Variants in FMN2 observed in about 807,000 individuals in gnomAD.
FMN2 encodes formin 2.
FMN2 carries 51 observed loss-of-function variants against 142.3 expected under a neutral mutation model. That is an observed-to-expected ratio of 0.36 (90% CI 0.29 to 0.45). The LOEUF is 0.45. FMN2 is among the 20% of genes least tolerant of loss of function. FMN2 has a pLI of 1.00. For missense variants in FMN2, 1,936 were observed against 2,122.8 expected (o/e 0.91, Z 1.73); for synonymous variants, 882 against 869.8 (o/e 1.01, Z -0.25).
In FMN2 at chr1:240,125,375, G is replaced by T. The variant is rs889790704; in HGVS notation, c.1782+2030G>T. On this transcript the variant is annotated intron_variant, in intron 2 of 17. Transcript: ENST00000319653. The stretch of plus-strand genomic sequence containing the variant: ...TGACATTGCAGCTAATCGCTGCTAG[G>T]TAGATCTCTTTCTCTTATGGGAAAA... 2.0e-5 allele frequency among the ~76,000 whole-genome samples: 3 copies of T among 152,170 alleles called. No individual in the cohort carries two copies. The East Asian group carries it at 5.8e-4, about 29-fold the overall frequency.
intron 2 of FMN2, among the ~76,000 whole-genome samples, chr1:240,135,506 A>G (rs1456187678): frequency 6.6e-6 from 1 of 152,146 alleles, no homozygotes; most frequent in Non-Finnish European, 1.5e-5. Flanking sequence ...TTTGAAAAAA[A>G]TTGCCTCGTA....
At chr1:240,137,870 A>G (rs1663013284) in intron 2 of FMN2, among the ~76,000 whole-genome samples, 2 of 152,014 alleles carry the variant, frequency 1.3e-5, no homozygotes, top group Non-Finnish European at 2.9e-5. Flanking sequence ...GGGGCAGATC[A>G]CTTGAGGTCA....
At chr1:240,462,370 A>G (rs1253771585) in intron 16 of FMN2, among the ~76,000 whole-genome samples, 2 of 152,184 alleles carry the variant, frequency 1.3e-5, no homozygotes, top group Non-Finnish European at 2.9e-5. Context: ...TTTAAATTTT[A>G]TGTACATTCA....
At chr1:240,355,459 G>T (rs1339797487) in intron 13 of FMN2, among the ~76,000 whole-genome samples, 1 of 152,080 alleles carries the variant, frequency 6.6e-6, no homozygotes, top group South Asian at 2.1e-4. Flanking sequence ...AACACTTCAC[G>T]TCTCTTCACA....
intron 2 of FMN2, among the ~76,000 whole-genome samples, chr1:240,127,270 G>A (rs1488013295): frequency 2.0e-5 from 3 of 151,654 alleles, no homozygotes; most frequent in African/African-American, 4.8e-5. Flanking sequence ...ACAGGGTTTC[G>A]CCATGTTGGC....
intron 8 of FMN2, among the ~76,000 whole-genome samples, chr1:240,296,413 ATTTT>A (rs1669984191): frequency 1.8e-5 from 1 of 56,832 alleles, no homozygotes; most frequent in Non-Finnish European, 3.6e-5. Flanking sequence ...GTGTGGTCCT[ATTTT>A]GGGTCTAATA....
intron 14 of FMN2, among the ~76,000 whole-genome samples, chr1:240,390,647 C>T (rs1160947693): frequency 1.3e-5 from 2 of 152,082 alleles, no homozygotes. Context: ...CCAGAATTTT[C>T]CAAGGATATT....
At chr1:240,438,306 T>C (rs3828023) in intron 16 of FMN2, 96 bp downstream of exon 16, 2 of 1,321,276 alleles carry the variant, frequency 1.5e-6, no homozygotes, top group Admixed American at 4.5e-5. Flanking sequence ...GAAGAAAAAA[T>C]TAGATGGCCC....
chr1:240,398,106 A>T (rs892298085), intron 15 of FMN2, among the ~76,000 whole-genome samples: 1 of 151,460 alleles, frequency 6.6e-6, no homozygotes, highest in Non-Finnish European at 1.5e-5. Context: ...GACAATTCTC[A>T]TTCCTCAGCC....
chr1:240,433,420 G>T (rs1046028506), intron 15 of FMN2, among the ~76,000 whole-genome samples: 1 of 152,160 alleles, frequency 6.6e-6, no homozygotes, highest in East Asian at 1.9e-4. Context: ...TTCCTCTTTT[G>T]TTTCTTTTGC....
intron 7 of FMN2, among the ~76,000 whole-genome samples, chr1:240,282,268 C>A (rs6657646): frequency 0.14 from 20,699 of 152,128 alleles, 1,518 homozygotes; most frequent in African/African-American, 0.2. Context: ...AGTCACAGAG[C>A]CCTGTTTTTA....
intron 15 of FMN2, among the ~76,000 whole-genome samples, chr1:240,419,113 AATAAAAAAT>A (rs1473321360): frequency 6.6e-6 from 1 of 152,242 alleles, no homozygotes; most frequent in Non-Finnish European, 1.5e-5. Context: ...CATCTCAAAA[AATAAAAAAT>A]ATAAATATAA....
chr1:240,410,154 A>C (rs902722158), intron 15 of FMN2, among the ~76,000 whole-genome samples: 3 of 77,198 alleles, frequency 3.9e-5, no homozygotes, highest in Non-Finnish European at 8.4e-5. Context: ...ATAACAGTAC[A>C]TAAATCTGAA....
intron 2 of FMN2, among the ~76,000 whole-genome samples, chr1:240,165,740 A>G (rs1055388418): frequency 3.3e-5 from 5 of 151,878 alleles, no homozygotes; most frequent in African/African-American, 9.7e-5. Context: ...ATATTCCAAG[A>G]TCACCTTGAG....
intron 17 of FMN2, 31 bp downstream of exon 17, chr1:240,472,484 T>G: frequency 6.9e-7 from 1 of 1,447,252 alleles, no homozygotes; most frequent in Non-Finnish European, 9.5e-7. Context: ...ACTTGTTATT[T>G]TCTTTGGCTT....
intron 14 of FMN2, among the ~76,000 whole-genome samples, chr1:240,371,105 AT>A (rs1220925894): frequency 2.7e-5 from 4 of 150,554 alleles, no homozygotes; most frequent in East Asian, 2.0e-4. Flanking sequence ...TGCCCAGCTG[AT>A]TTTTTTTTAT....
intron 2 of FMN2, chr1:240,145,233 C>T: frequency 1.4e-6 from 2 of 1,468,956 alleles, no homozygotes; most frequent in African/African-American, 1.4e-5. Context: ...TGTTTATCTT[C>T]CTCAGACAGC....
At chr1:240,444,178 A>T (rs993596844) in intron 16 of FMN2, among the ~76,000 whole-genome samples, 1 of 152,192 alleles carries the variant, frequency 6.6e-6, no homozygotes, top group African/African-American at 2.4e-5. Flanking sequence ...CTCATTCCAT[A>T]TGGAGTCGTA....
chr1:240,465,360 G>C (rs867301314), intron 16 of FMN2, among the ~76,000 whole-genome samples: 1 of 146,996 alleles, frequency 6.8e-6, no homozygotes. Context: ...GTGTGTGTGT[G>C]TGTGTGTGTG....
Sources: allele counts gnomAD v4.1 joint callset (sites outside exome capture counted in the v4.1 genomes callset), GRCh38; gene constraint gnomAD v4.1.1; transcripts MANE v1.5; gene names NCBI Gene and HGNC (gene_info 2026-07-23, HGNC 2026-07-21).